Variants in SCHIP1 observed in about 807,000 individuals in gnomAD.
The protein encoded by SCHIP1 is schwannomin interacting protein 1, also known as schwannomin-interacting protein 1.
In SCHIP1, 8 loss-of-function variants were observed where a neutral mutation model predicts 29.7. The observed-to-expected ratio is 0.27, with a 90% confidence interval of 0.16 to 0.49. The LOEUF (loss-of-function observed/expected upper bound fraction) is 0.49, where lower values mean the gene tolerates loss of function less well. Among genes scored for constraint, SCHIP1 ranks in the 20% least tolerant of loss-of-function variants. The pLI, the probability that SCHIP1 is intolerant of heterozygous loss-of-function variation, is 0.99. For missense variants in SCHIP1, 193 were observed against 294.6 expected, an observed-to-expected ratio of 0.66 and a Z score of 2.52; for synonymous variants, 76 against 94.9, an observed-to-expected ratio of 0.80 and a Z score of 1.16.
the SCHIP1 span, among the ~76,000 whole-genome samples, chr3:159,719,199 G>A: frequency 2.6e-5 from 4 of 152,146 alleles, no homozygotes; most frequent in African/African-American, 7.2e-5. Context: ...GCTGAAACCC[G>A]ATCCCTTCCT....
chr3:159,393,188 A>T, the SCHIP1 span, among the ~76,000 whole-genome samples: 1 of 151,980 alleles, frequency 6.6e-6, no homozygotes, highest in Admixed American at 6.6e-5. Flanking sequence ...AATTTGTTTG[A>T]GTTCATTGTA....
chr3:159,280,573 T>C, the SCHIP1 span, among the ~76,000 whole-genome samples: 1 of 152,272 alleles, frequency 6.6e-6, no homozygotes, highest in East Asian at 1.9e-4. Context: ...CTTAACAAGA[T>C]CGTGCTTCGA....
At chr3:159,333,230 T>C in the SCHIP1 span, among the ~76,000 whole-genome samples, 2 of 152,236 alleles carry the variant, frequency 1.3e-5, no homozygotes, top group Non-Finnish European at 2.9e-5. Flanking sequence ...AGTTGCAAAG[T>C]ACATTTCTTT....
chr3:159,430,336 A>G, the SCHIP1 span, among the ~76,000 whole-genome samples: 24 of 152,216 alleles, frequency 1.6e-4, no homozygotes, highest in Non-Finnish European at 3.1e-4. Flanking sequence ...TATGATGCAC[A>G]AAAATGGAGT....
chr3:159,325,975 T>C, the SCHIP1 span, among the ~76,000 whole-genome samples: 1 of 152,110 alleles, frequency 6.6e-6, no homozygotes, highest in African/African-American at 2.4e-5. Context: ...GACAACATGA[T>C]TGGACACTTG....
the SCHIP1 span, among the ~76,000 whole-genome samples, chr3:159,780,250 C>T: frequency 1.3e-5 from 2 of 152,186 alleles, no homozygotes; most frequent in African/African-American, 4.8e-5. Context: ...GCTGCCAAAC[C>T]CATGCTATGA....
chr3:159,396,134 G>T, the SCHIP1 span, among the ~76,000 whole-genome samples: 4 of 135,456 alleles, frequency 3.0e-5, no homozygotes, highest in African/African-American at 1.1e-4. Flanking sequence ...CAGAGACTAG[G>T]ATTCCAACCC....
chr3:159,732,658 C>A, the SCHIP1 span, among the ~76,000 whole-genome samples: 2 of 152,104 alleles, frequency 1.3e-5, no homozygotes, highest in African/African-American at 4.8e-5. Flanking sequence ...TGAGGCATTT[C>A]CAGGGCAGGG....
At chr3:159,400,101 A>G in the SCHIP1 span, among the ~76,000 whole-genome samples, 1 of 152,240 alleles carries the variant, frequency 6.6e-6, no homozygotes, top group South Asian at 2.1e-4. Context: ...TTAAGAAAAC[A>G]TCCAACTACT....
chr3:159,499,285 A>C, the SCHIP1 span, among the ~76,000 whole-genome samples: 2 of 152,222 alleles, frequency 1.3e-5, no homozygotes, highest in Non-Finnish European at 2.9e-5. Flanking sequence ...ATTCAGGATC[A>C]GTCACATCTA....
chr3:159,380,776 C>T, the SCHIP1 span, among the ~76,000 whole-genome samples: 2 of 152,108 alleles, frequency 1.3e-5, no homozygotes, highest in African/African-American at 2.4e-5. Context: ...GCAACTTTTT[C>T]AGTGCCACAT....
the SCHIP1 span, among the ~76,000 whole-genome samples, chr3:159,705,396 C>T: frequency 1.2e-3 from 190 of 152,228 alleles, no homozygotes; most frequent in African/African-American, 4.5e-3. Context: ...ATGTTTGGCT[C>T]TGTGACTCTG....
the SCHIP1 span, among the ~76,000 whole-genome samples, chr3:159,442,653 C>T: frequency 2.6e-5 from 4 of 152,170 alleles, no homozygotes; most frequent in African/African-American, 4.8e-5. Context: ...GGGTACCCAC[C>T]TGGTCAGATC....
the SCHIP1 span, among the ~76,000 whole-genome samples, chr3:159,579,398 G>A: frequency 4.6e-5 from 7 of 152,188 alleles, no homozygotes; most frequent in Non-Finnish European, 1.0e-4. Context: ...CTAAAAGACA[G>A]TGTAACTTTC....
chr3:159,704,489 A>G, the SCHIP1 span, among the ~76,000 whole-genome samples: 1 of 151,284 alleles, frequency 6.6e-6, no homozygotes, highest in East Asian at 1.9e-4. Context: ...TATCTTGTTC[A>G]TTATCAGAGT....
the SCHIP1 span, among the ~76,000 whole-genome samples, chr3:159,817,126 A>G: frequency 6.6e-6 from 1 of 152,166 alleles, no homozygotes; most frequent in Non-Finnish European, 1.5e-5. Flanking sequence ...AGCGCTTAAT[A>G]AATATGCGTG....
At chr3:159,279,570 T>A in the SCHIP1 span, among the ~76,000 whole-genome samples, 4 of 152,108 alleles carry the variant, frequency 2.6e-5, no homozygotes, top group Non-Finnish European at 4.4e-5. Flanking sequence ...TGTTCTACTG[T>A]GGGAAGACTT....
At chr3:159,563,977 C>T in the SCHIP1 span, among the ~76,000 whole-genome samples, 1 of 152,166 alleles carries the variant, frequency 6.6e-6, no homozygotes, top group African/African-American at 2.4e-5. Flanking sequence ...CTGCCTTCTG[C>T]CTGCCCCATT....
intron 1 of SCHIP1, among the ~76,000 whole-genome samples, chr3:159,846,417 C>A (rs62270400): frequency 6.6e-6 from 1 of 152,154 alleles, no homozygotes; most frequent in African/African-American, 2.4e-5. Flanking sequence ...TGCCCAGATT[C>A]TAGTGGGTCA....
Sources: gnomAD v4.1 joint callset for allele counts (sites outside exome capture counted in the v4.1 genomes callset) on GRCh38, gnomAD v4.1.1 for gene constraint, MANE v1.5 for transcripts, NCBI Gene and HGNC (gene_info 2026-07-23, HGNC 2026-07-21) for gene names.